Variants in STK3 observed in about 807,000 individuals in gnomAD.
STK3 encodes serine/threonine kinase 3, also known as serine/threonine-protein kinase 3.
Under a neutral mutation model 58.0 loss-of-function variants are expected in STK3, and 41 were observed. That is an observed-to-expected ratio of 0.71 (90% CI 0.55 to 0.92). The LOEUF (loss-of-function observed/expected upper bound fraction) is 0.92. STK3 is among the 40% of genes least tolerant of loss of function. The pLI is 0.00. For synonymous variants in STK3, 170 were observed against 191.0 expected (o/e 0.89, Z 0.91); for missense variants, 479 against 602.7 (o/e 0.79, Z 2.15).
intron 1 of STK3, among the ~76,000 whole-genome samples, chr8:98,790,587 C>G (rs759382268): frequency 2.0e-5 from 3 of 152,162 alleles, no homozygotes; most frequent in Non-Finnish European, 4.4e-5. Context: ...GCTGAAAGCA[C>G]TCCCTCTGAG....
At chr8:98,935,836 A>G (rs912772153) in intron 1 of STK3, among the ~76,000 whole-genome samples, 3 of 152,214 alleles carry the variant, frequency 2.0e-5, no homozygotes, top group Admixed American at 2.0e-4. Flanking sequence ...AGGTCAGTTC[A>G]TGTTAATGGG....
At chr8:98,708,185 A>G (rs1031392314) in intron 4 of STK3, among the ~76,000 whole-genome samples, 2 of 152,032 alleles carry the variant, frequency 1.3e-5, no homozygotes, top group African/African-American at 4.8e-5. Context: ...CAAACAACAT[A>G]TCTCAAGAAT....
chr8:98,896,027 A>G (rs1031031581), intron 1 of STK3, among the ~76,000 whole-genome samples: 2 of 152,106 alleles, frequency 1.3e-5, no homozygotes, highest in African/African-American at 2.4e-5. Flanking sequence ...GATGAGCACG[A>G]TTTCATTTTA....
upstream of STK3, among the ~76,000 whole-genome samples, chr8:98,388,997 T>C (rs918990254): frequency 1.3e-5 from 2 of 152,206 alleles, no homozygotes; most frequent in Admixed American, 1.3e-4. Flanking sequence ...TACCACCTTG[T>C]TAAGTCATTG....
At chr8:98,932,533 G>T (rs569889946) in intron 1 of STK3, among the ~76,000 whole-genome samples, 165 of 152,344 alleles carry the variant, frequency 1.1e-3, no homozygotes, top group Middle Eastern at 3.4e-3. Flanking sequence ...GGAAGCCATT[G>T]TAGGTGTTTA....
chr8:98,441,849 G>A (rs376366165), intron 1 of STK3, among the ~76,000 whole-genome samples: 49 of 152,158 alleles, frequency 3.2e-4, no homozygotes, highest in African/African-American at 9.9e-4. Context: ...CACAGCTCCC[G>A]TGGGCCTTTC....
chr8:98,715,638 G>T (rs530426141), intron 4 of STK3, among the ~76,000 whole-genome samples: 2 of 152,158 alleles, frequency 1.3e-5, no homozygotes, highest in Non-Finnish European at 2.9e-5. Context: ...AACAACAAGC[G>T]CTGGAGAGGA....
intron 1 of STK3, among the ~76,000 whole-genome samples, chr8:98,448,190 C>T (rs1819041080): frequency 6.6e-6 from 1 of 151,960 alleles, no homozygotes; most frequent in Non-Finnish European, 1.5e-5. Context: ...TGTAATATCA[C>T]ATATAATTTT....
intron 4 of STK3, among the ~76,000 whole-genome samples, chr8:98,740,017 A>G (rs1396159129): frequency 1.3e-5 from 2 of 152,226 alleles, no homozygotes; most frequent in Non-Finnish European, 2.9e-5. Context: ...GAAATAAATG[A>G]AATGAAGCGA....
At chr8:98,793,887 T>G (rs1832963660) in intron 1 of STK3, among the ~76,000 whole-genome samples, 1 of 151,648 alleles carries the variant, frequency 6.6e-6, no homozygotes, top group African/African-American at 2.4e-5. Context: ...ATCAATACCA[T>G]GAAGATCTCT....
intron 6 of STK3, among the ~76,000 whole-genome samples, chr8:98,684,865 G>A (rs890877820): frequency 1.4e-4 from 22 of 152,178 alleles, no homozygotes; most frequent in African/African-American, 5.3e-4. Context: ...ATTTTTTAAC[G>A]AAAAGATGAA....
chr8:98,799,420 G>A (rs1436662623), intron 1 of STK3, among the ~76,000 whole-genome samples: 1 of 151,812 alleles, frequency 6.6e-6, no homozygotes, highest in Non-Finnish European at 1.5e-5. Flanking sequence ...AAAAGAGGGA[G>A]TCACAGAGAA....
At position 98,579,900 on chromosome 8, in the gene STK3, GT is replaced by G. The variant is rs1417111030; in HGVS notation, c.823-112del. ...ACCAGGATCACAGGCTTCAATGATT[GT>G]TTTTTCATCTAGAATTAAATGTATA... On this transcript the variant is annotated intron_variant, in intron 7 of 10. Transcript: ENST00000419617. The G allele has an allele frequency of 4.1e-6, 4 of 984,138 alleles. No homozygotes were observed. In the East Asian group the frequency reaches 1.3e-4, roughly 31 times the overall value. The allele number at this position is 984,138 out of a possible 1,614,324, so 61.0% of individuals were successfully genotyped here.
At chr8:98,843,550 T>C (rs1836076739) in intron 3 of STK3, among the ~76,000 whole-genome samples, 1 of 152,080 alleles carries the variant, frequency 6.6e-6, no homozygotes, top group Admixed American at 6.5e-5. Flanking sequence ...AGGAGAAAAA[T>C]ACTATCTTTT....
chr8:98,422,176 A>G (rs1467567315), intron 3 of STK3, among the ~76,000 whole-genome samples: 1 of 152,222 alleles, frequency 6.6e-6, no homozygotes, highest in Non-Finnish European at 1.5e-5. Context: ...AATTCAGTCC[A>G]GCATCCAGGA....
intron 6 of STK3, among the ~76,000 whole-genome samples, chr8:98,679,097 A>T (rs1157332589): frequency 6.6e-6 from 1 of 152,220 alleles, no homozygotes; most frequent in Non-Finnish European, 1.5e-5. Context: ...CTTCTTCAAG[A>T]GAAGTCACCG....
intron 8 of STK3, among the ~76,000 whole-genome samples, chr8:98,559,052 A>G (rs1374179951): frequency 6.6e-6 from 1 of 152,080 alleles, no homozygotes; most frequent in African/African-American, 2.4e-5. Flanking sequence ...CACAACCCAA[A>G]TATTTTTCAC....
chr8:98,489,093 T>C (rs775971889), intron 10 of STK3, among the ~76,000 whole-genome samples: 5 of 152,118 alleles, frequency 3.3e-5, no homozygotes, highest in African/African-American at 7.2e-5. Flanking sequence ...CAGAAACTGA[T>C]TTTTCCATTT....
chr8:98,866,763 C>T (rs538747621), intron 3 of STK3, among the ~76,000 whole-genome samples: 1 of 152,292 alleles, frequency 6.6e-6, no homozygotes, highest in Admixed American at 6.5e-5. Context: ...GGAAGAATAG[C>T]ACAGCTGCAA....
Sources: gnomAD v4.1 joint callset for allele counts (sites outside exome capture counted in the v4.1 genomes callset) on GRCh38, gnomAD v4.1.1 for gene constraint, MANE v1.5 for transcripts, NCBI Gene and HGNC (gene_info 2026-07-23, HGNC 2026-07-21) for gene names.